ACTN4: variants seen among roughly 807,000 people sequenced by gnomAD.
ACTN4 encodes alpha-actinin-4.
A neutral mutation model predicts 114.2 loss-of-function variants in ACTN4; 18 were observed. That is an observed-to-expected ratio of 0.16 (90% CI 0.11 to 0.23). ACTN4 has a LOEUF of 0.23. ACTN4 is among the 10% of genes least tolerant of loss of function. The pLI, the probability that ACTN4 is intolerant of heterozygous loss-of-function variation, is 1.00. For missense variants in ACTN4, 722 were observed against 1,262.9 expected (o/e 0.57, Z 6.49); for synonymous variants, 515 against 506.3 (o/e 1.02, Z -0.23).
chr19:38,670,072 G>A (rs1967082603), intron 1 of ACTN4, among the ~76,000 whole-genome samples: 1 of 152,178 alleles, frequency 6.6e-6, no homozygotes, highest in Non-Finnish European at 1.5e-5. Flanking sequence ...AGTGTATCTG[G>A]TATTTCTAAC....
At chr19:38,702,797 C>A (rs1968325582) in intron 3 of ACTN4, among the ~76,000 whole-genome samples, 1 of 152,196 alleles carries the variant, frequency 6.6e-6, no homozygotes, top group African/African-American at 2.4e-5. Context: ...ACACCCCCTT[C>A]CTCTGGGTGT....
rs1373811255 is a variant in ACTN4 at position 38,678,457 on chromosome 19, T to C, written c.163-22143T>C. 3.3e-5 allele frequency among the ~76,000 whole-genome samples: 5 copies of C among 152,206 alleles called. No homozygotes were observed. The South Asian group carries it at 6.2e-4, about 19-fold the overall frequency. On this transcript the variant is annotated intron_variant, in intron 1 of 20. Coordinates refer to ENST00000252699, the MANE Select transcript of ACTN4 (RefSeq NM_004924.6). ...CTGGGACAGCCCACTCGTCTCCATT[T>C]ATTGGGCTGAGCCTCGAGACCTGCA...
At chr19:38,662,730 G>A (rs138768995) in intron 1 of ACTN4, among the ~76,000 whole-genome samples, 146 of 152,266 alleles carry the variant, frequency 9.6e-4, no homozygotes, top group Middle Eastern at 3.4e-3. Flanking sequence ...ATGGTGGGTG[G>A]CTTATTATGC....
At position 38,717,582 on chromosome 19, in the gene ACTN4, GA is replaced by G. The variant is rs1968885351; in HGVS notation, c.1143+268del. Among the ~76,000 whole-genome samples, 1 of 152,182 alleles carries G rather than the reference GA, an allele frequency of 6.6e-6. No individual in the cohort carries two copies. Among genetic ancestry groups the G allele is most frequent in the South Asian group, 2.1e-4 (1 of 4,828 alleles). Reference sequence around the variant, plus strand: ...GGGTTGTGTGGGTGTGGAGTGGTGTGAATTTGGAGCCGTGGTCTGCCATGAT... The same window carrying G: ...GGGTTGTGTGGGTGTGGAGTGGTGTGATTTGGAGCCGTGGTCTGCCATGAT... On this transcript the variant is annotated intron_variant, in intron 10 of 20. Coordinates refer to ENST00000252699, the MANE Select transcript of ACTN4 (RefSeq NM_004924.6). The surrounding 1 kb of genome is among the most constrained non-coding windows in gnomAD (Gnocchi z 4.0).
chr19:38,694,816 G>C (rs571478065), intron 1 of ACTN4, among the ~76,000 whole-genome samples: 2 of 152,270 alleles, frequency 1.3e-5, no homozygotes, highest in South Asian at 2.1e-4. Flanking sequence ...GCAATTAGCC[G>C]TTATAGCATA....
intron 12 of ACTN4, 53 bp downstream of exon 12, chr19:38,721,741 C>T (rs1415343118): frequency 1.2e-6 from 2 of 1,603,866 alleles, no homozygotes; most frequent in African/African-American, 1.3e-5. Flanking sequence ...ACAGCCTGCC[C>T]AGACTGGTGG....
At chr19:38,728,861 G>C in intron 19 of ACTN4, 135 bp from the exon 20 acceptor site, 1 of 1,131,984 alleles carries the variant, frequency 8.8e-7, no homozygotes, top group Non-Finnish European at 1.3e-6. Flanking sequence ...TGGAGCAGGC[G>C]GGGAACAGGG....
chr19:38,705,044 C>G lies in ACTN4; in HGVS notation c.484+24C>G, dbSNP rs749014200. 5.6e-6 allele frequency: 9 copies of G among 1,601,704 alleles called. No homozygotes were observed. The South Asian group carries it at 9.9e-5, about 18-fold the overall frequency. On this transcript the variant is annotated intron_variant, in intron 4 of 20. Transcript: ENST00000252699. ...AGGTGACAGCCACCTGTACTGCCCC[C>G]GCTTCCCACCTGAGTCAGGGCGGGT...
intron 1 of ACTN4, among the ~76,000 whole-genome samples, chr19:38,685,916 G>A (rs1967727707): frequency 6.6e-6 from 1 of 152,190 alleles, no homozygotes; most frequent in Admixed American, 6.5e-5. Context: ...GATTACTCCA[G>A]GGCCTCGCAT....
intron 1 of ACTN4, among the ~76,000 whole-genome samples, chr19:38,651,371 C>T (rs1452695661): frequency 6.6e-6 from 1 of 152,094 alleles, no homozygotes; most frequent in East Asian, 1.9e-4. Flanking sequence ...GTTCTCCTGG[C>T]GGGATGGAGA....
Position 38,727,804 on chromosome 19 carries a change from TCTC to T in ACTN4, c.2338-139_2338-137del. The T allele has an allele frequency of 1.3e-6, 1 of 768,256 alleles. No individual in the cohort carries two copies. Among genetic ancestry groups the T allele is most frequent in the Middle Eastern group, 2.4e-4 (1 of 4,092 alleles). 47.6% of individuals were successfully genotyped at this position (768,256 alleles called of 1,614,324 possible). On this transcript the variant is annotated intron_variant, in intron 18 of 20. Coordinates refer to ENST00000252699, the MANE Select transcript of ACTN4 (RefSeq NM_004924.6). This position sits in a 1 kb window ranked among gnomAD's most constrained non-coding sequence, Gnocchi z 5.4. ...CCCCGACCCCACGTGTCCCTGGCCA[TCTC>T]CTTGTCCATGTTGCCTCTAACTCTG...
At chr19:38,652,721 A>T (rs181090417) in intron 1 of ACTN4, among the ~76,000 whole-genome samples, 19 of 152,278 alleles carry the variant, frequency 1.2e-4, no homozygotes, top group Non-Finnish European at 2.2e-4. Context: ...TGGAGGAAGC[A>T]GGGTGGTGTG....
intron 1 of ACTN4, among the ~76,000 whole-genome samples, chr19:38,649,331 C>G (rs1976488317): frequency 8.6e-6 from 1 of 116,916 alleles, no homozygotes; most frequent in African/African-American, 3.6e-5. Context: ...GCAGGAAGAG[C>G]TAAAGAAAGG....
Position 38,700,728 on chromosome 19 carries a change from C to T in ACTN4, c.277+14C>T. The T allele has an allele frequency of 6.2e-7, 1 of 1,605,814 alleles. No homozygotes were observed. Among genetic ancestry groups the T allele is most frequent in the Admixed American group, 1.7e-5 (1 of 60,012 alleles). On this transcript the variant is annotated intron_variant, in intron 2 of 20. Coordinates refer to ENST00000252699, the MANE Select transcript of ACTN4 (RefSeq NM_004924.6). ...AGGTCATATCAGGTGAGACTCCCAG[C>T]CACGCAGTGCGGCCGAGCCCTGGCA...
chr19:38,667,577 G>A (rs977684385), intron 1 of ACTN4, among the ~76,000 whole-genome samples: 3 of 152,010 alleles, frequency 2.0e-5, no homozygotes, highest in African/African-American at 4.8e-5. Context: ...TGGGTAATTG[G>A]CTGTTACAGT....
intron 19 of ACTN4, chr19:38,728,439 T>TCCCCCCC: frequency 1.1e-6 from 1 of 922,206 alleles, no homozygotes; most frequent in South Asian, 1.6e-5. Flanking sequence ...CTCCTCCTCC[T>TCCCCCCC]CCTCCTCCTC....
At chr19:38,675,716 A>G (rs1232979308) in intron 1 of ACTN4, among the ~76,000 whole-genome samples, 2 of 152,182 alleles carry the variant, frequency 1.3e-5, no homozygotes, top group Non-Finnish European at 2.9e-5. Context: ...CTCTACCACA[A>G]GGTTTCCTGA....
chr19:38,693,531 G>A (rs1967997866), intron 1 of ACTN4: 1 of 152,010 alleles, frequency 6.6e-6, no homozygotes, highest in Non-Finnish European at 1.5e-5. Context: ...CCACTCGGTT[G>A]CCCTGTGTCT....
intron 1 of ACTN4, among the ~76,000 whole-genome samples, chr19:38,676,593 C>G (rs1344759784): frequency 6.6e-6 from 1 of 152,172 alleles, no homozygotes; most frequent in Non-Finnish European, 1.5e-5. Flanking sequence ...GGGAAACCTC[C>G]CACCCGGGCA....
Sources: gnomAD v4.1 joint callset for allele counts (sites outside exome capture counted in the v4.1 genomes callset) on GRCh38, gnomAD v4.1.1 for gene constraint, Gnocchi (gnomAD v3.1) non-coding constraint, MANE v1.5 for transcripts, NCBI Gene and HGNC (gene_info 2026-07-23, HGNC 2026-07-21) for gene names.